FTCDNL1: variants seen among roughly 807,000 people sequenced by gnomAD.
FTCDNL1 encodes formiminotransferase cyclodeaminase N-terminal like.
FTCDNL1 carries 11 observed loss-of-function variants against 5.9 expected under a neutral mutation model. The observed-to-expected ratio is 1.87, with a 90% CI of 1.18 to 3.10. The LOEUF (loss-of-function observed/expected upper bound fraction) is 3.10, where lower values mean the gene tolerates loss of function less well. Ranked by LOEUF, FTCDNL1 falls within the 30% of genes most tolerant of loss-of-function variation. FTCDNL1 has a pLI of 0.00. For missense variants in FTCDNL1, 115 were observed against 65.5 expected (o/e 1.76, Z -2.61); for synonymous variants, 58 against 24.8 (o/e 2.34, Z -3.99).
At chr2:199,718,550 C>T in the FTCDNL1 span, among the ~76,000 whole-genome samples, 1 of 151,950 alleles carries the variant, frequency 6.6e-6, no homozygotes, top group Non-Finnish European at 1.5e-5. Flanking sequence ...ATTTTTTTCC[C>T]TTTGTGTAGA....
At chr2:199,813,362 C>A (rs1221654016) in intron 4 of FTCDNL1, among the ~76,000 whole-genome samples, 3 of 150,116 alleles carry the variant, frequency 2.0e-5, no homozygotes, top group African/African-American at 7.4e-5. Flanking sequence ...TGAAAGGATT[C>A]TATATATTTT....
rs374661508 is a variant in FTCDNL1 at position 199,801,873 on chromosome 2, G to A, written c.212-41038C>T. 5.3e-5 allele frequency among the ~76,000 whole-genome samples: 8 copies of A among 151,334 alleles called. No individual in the cohort carries two copies. In the East Asian group the frequency reaches 1.6e-3, roughly 30 times the overall value. ...GAATGGCATGAACCCAGAAGGCGGA[G>A]CTTGCAGTGAGCCGAGATCGCGCCA... is the stretch of plus-strand genomic sequence containing the variant. On this transcript the variant is annotated intron_variant, in intron 3 of 3. Transcript: ENST00000416668.
the FTCDNL1 span, among the ~76,000 whole-genome samples, chr2:199,664,901 A>T: frequency 8.5e-5 from 13 of 152,336 alleles, no homozygotes; most frequent in South Asian, 2.7e-3. Context: ...AGCCTGGACA[A>T]CCAGTAGGCT....
At chr2:199,846,226 A>C (rs2076729546) in intron 2 of FTCDNL1, 56 bp from the exon 3 acceptor site, 2 of 643,786 alleles carry the variant, frequency 3.1e-6, no homozygotes, top group African/African-American at 3.7e-5. Flanking sequence ...TAAAACCTTA[A>C]TAGTTAATTT....
At chr2:199,847,640 T>G (rs1358857752) in intron 2 of FTCDNL1, among the ~76,000 whole-genome samples, 4 of 152,236 alleles carry the variant, frequency 2.6e-5, no homozygotes, top group African/African-American at 9.6e-5. Context: ...ATAATAGCTA[T>G]AATTCCATTT....
In FTCDNL1 at chr2:199,813,912, C is replaced by CAAAA. The variant is rs397987315; in HGVS notation, c.398-1192_398-1189dup. 7.3e-3 allele frequency among the ~76,000 whole-genome samples: 777 copies of CAAAA among 106,222 alleles called. 3 individuals are homozygous for CAAAA. Among genetic ancestry groups the CAAAA allele is most frequent in the Non-Finnish European group, 0.011 (563 of 53,594 alleles). 69.7% of individuals were successfully genotyped at this position (106,222 alleles called of 152,430 possible). ...CTGGTGACAGAGCGAGACTCTGTCTCAAAAAAAAAAAAAAAAAAAAAAAAA... is the reference window on the plus strand; with the variant it reads ...CTGGTGACAGAGCGAGACTCTGTCTCAAAAAAAAAAAAAAAAAAAAAAAAAAAAA... On this transcript the variant is annotated intron_variant, in intron 4 of 4. Transcript: ENST00000420128.
chr2:199,790,410 A>G (rs532079627), intron 3 of FTCDNL1, among the ~76,000 whole-genome samples: 1 of 151,878 alleles, frequency 6.6e-6, no homozygotes, highest in African/African-American at 2.4e-5. Context: ...AGGCAGGAGA[A>G]TCACTTGAAC....
chr2:199,718,525 C>A, the FTCDNL1 span, among the ~76,000 whole-genome samples: 12,695 of 152,104 alleles, frequency 0.083, 1,082 homozygotes, highest in African/African-American at 0.19. Flanking sequence ...GTGGAGATAT[C>A]TTTTTAGTAT....
intron 3 of FTCDNL1, among the ~76,000 whole-genome samples, chr2:199,831,828 G>A (rs1702390934): frequency 6.6e-6 from 1 of 152,126 alleles, no homozygotes; most frequent in Non-Finnish European, 1.5e-5. Context: ...ATAAATGGTT[G>A]TGAGGATTCT....
chr2:199,688,569 A>G, the FTCDNL1 span, among the ~76,000 whole-genome samples: 1 of 152,186 alleles, frequency 6.6e-6, no homozygotes, highest in Non-Finnish European at 1.5e-5. Flanking sequence ...TACAGTTCAC[A>G]GGGAAAAGTG....
At chr2:199,846,380 G>A (rs2076733604) in intron 2 of FTCDNL1, among the ~76,000 whole-genome samples, 1 of 152,192 alleles carries the variant, frequency 6.6e-6, no homozygotes, top group Non-Finnish European at 1.5e-5. Context: ...GCTCAGCTCA[G>A]ACACAAGCTT....
chr2:199,813,802 T>C (rs1178715789), intron 4 of FTCDNL1, among the ~76,000 whole-genome samples: 1 of 150,542 alleles, frequency 6.6e-6, no homozygotes, highest in Non-Finnish European at 1.5e-5. Flanking sequence ...TCCCAGCTAC[T>C]CAGGAGGCTG....
the FTCDNL1 span, among the ~76,000 whole-genome samples, chr2:199,666,375 A>T: frequency 6.6e-6 from 1 of 152,168 alleles, no homozygotes; most frequent in South Asian, 2.1e-4. Flanking sequence ...TGAATTCTAG[A>T]CCCAACTGTA....
intron 3 of FTCDNL1, among the ~76,000 whole-genome samples, chr2:199,783,446 A>T (rs759357704): frequency 2.6e-5 from 4 of 152,148 alleles, no homozygotes; most frequent in Admixed American, 2.0e-4. Flanking sequence ...CCCTTCAATT[A>T]TTGGCCATCA....
At chr2:199,674,936 A>C in the FTCDNL1 span, among the ~76,000 whole-genome samples, 1 of 152,206 alleles carries the variant, frequency 6.6e-6, no homozygotes, top group Admixed American at 6.5e-5. Context: ...GACTTCCCAG[A>C]AAAGCTTTTA....
At chr2:199,679,217 G>C in the FTCDNL1 span, among the ~76,000 whole-genome samples, 2 of 151,938 alleles carry the variant, frequency 1.3e-5, no homozygotes, top group Non-Finnish European at 2.9e-5. Context: ...TGGTTCTTCT[G>C]TGAATTGTCT....
intron 3 of FTCDNL1, among the ~76,000 whole-genome samples, chr2:199,768,722 T>C (rs958474376): frequency 2.0e-5 from 3 of 152,140 alleles, no homozygotes; most frequent in Non-Finnish European, 4.4e-5. Flanking sequence ...AATGGAGCAT[T>C]GGAGGCCTAC....
chr2:199,711,628 A>G, the FTCDNL1 span, among the ~76,000 whole-genome samples: 2 of 152,168 alleles, frequency 1.3e-5, no homozygotes, highest in Non-Finnish European at 2.9e-5. Context: ...TGTATCAGTC[A>G]TAGTCCTAAC....
At chr2:199,750,858 G>T in the FTCDNL1 span, among the ~76,000 whole-genome samples, 3 of 152,188 alleles carry the variant, frequency 2.0e-5, no homozygotes, top group African/African-American at 7.2e-5. Flanking sequence ...ACATAATTTT[G>T]CCATGCCATC....
Sources: gnomAD v4.1 joint callset for allele counts (sites outside exome capture counted in the v4.1 genomes callset) on GRCh38, gnomAD v4.1.1 for gene constraint, MANE v1.5 for transcripts, NCBI Gene and HGNC (gene_info 2026-07-23, HGNC 2026-07-21) for gene names.